NLRP5: variants seen among roughly 807,000 people sequenced by gnomAD.
NLRP5 encodes NACHT, LRR and PYD domains-containing protein 5.
A neutral mutation model predicts 113.1 loss-of-function variants in NLRP5; 93 were observed. The ratio of observed to expected loss-of-function variants is 0.82; its 90% confidence interval spans 0.70 to 0.98. The LOEUF (loss-of-function observed/expected upper bound fraction) is 0.98, where lower values mean the gene tolerates loss of function less well. Ranked by LOEUF, NLRP5 falls within the 50% of genes least tolerant of loss-of-function variation. The probability of loss-of-function intolerance (pLI) is 0.00; values close to 1 mark genes in which losing one functional copy is unlikely to be tolerated. For synonymous variants in NLRP5, 751 were observed against 600.7 expected (o/e 1.25, Z -3.66); for missense variants, 1,808 against 1,514.3 (o/e 1.19, Z -3.22).
rs141325452 is a variant in NLRP5, at chr19:56,004,151, C to T, written c.442+56C>T. 1,420 of 1,531,402 alleles carry T rather than the reference C, an allele frequency of 9.3e-4. 11 individuals carry two copies. In the African/African-American group the frequency reaches 0.018, roughly 19 times the overall value. The allele number at this position is 1,531,402 out of a possible 1,614,324, so 94.9% of individuals were successfully genotyped here. On this transcript the variant is annotated intron_variant, in intron 2 of 14. Transcript: ENST00000390649. ...GGGAGGGGAGGTGATTTCAGGTTCT[C>T]ATGGGAACAGGGAAGAATCGTTGTT... is the stretch of plus-strand genomic sequence containing the variant.
chr19:56,020,120 C>G (rs1982560930), intron 5 of NLRP5, among the ~76,000 whole-genome samples: 1 of 151,938 alleles, frequency 6.6e-6, no homozygotes, highest in Non-Finnish European at 1.5e-5. Context: ...GCATGAGCCA[C>G]CACGCCCGAC....
intron 6 of NLRP5, among the ~76,000 whole-genome samples, chr19:56,022,787 C>T (rs1212312112): frequency 3.3e-5 from 5 of 152,122 alleles, no homozygotes; most frequent in East Asian, 1.9e-4. Context: ...TGCAATGGCG[C>T]GATCTCAGCT....
chr19:55,993,625 T>C, the NLRP5 span, among the ~76,000 whole-genome samples: 35 of 30,340 alleles, frequency 1.2e-3, no homozygotes, highest in African/African-American at 2.5e-3. Context: ...CCCCTCTCCC[T>C]CCTCTCCCCT....
chr19:56,001,135 C>T (rs1981629310), intron 1 of NLRP5, among the ~76,000 whole-genome samples: 1 of 149,588 alleles, frequency 6.7e-6, no homozygotes, highest in South Asian at 2.1e-4. Flanking sequence ...CCAGCCTGGG[C>T]AACATAGTGA....
intron 12 of NLRP5, among the ~76,000 whole-genome samples, chr19:56,053,374 C>T (rs1477305884): frequency 2.0e-5 from 3 of 151,254 alleles, no homozygotes; most frequent in Non-Finnish European, 4.4e-5. Context: ...CCAGCATGGG[C>T]AACAAGAGCA....
chr19:56,032,795 C>T lies in NLRP5; in HGVS notation c.2447+14C>T, dbSNP rs1983173028. 1.9e-6 allele frequency: 3 copies of T among 1,595,562 alleles called. No individual in the cohort carries two copies. Among genetic ancestry groups the T allele is most frequent in the African/African-American group, 2.7e-5 (2 of 74,818 alleles). On this transcript the variant is annotated intron_variant, in intron 8 of 14. Transcript: ENST00000390649. ...ACAGACCCTGATGTAAGGCTGCCCG[C>T]CCCCTACGAGAGAATCCCTTCCCAT...
rs541201441 is a variant in NLRP5 at position 56,026,008 on chromosome 19, G to A, written c.680-905G>A. Among the ~76,000 whole-genome samples the A allele has an allele frequency of 9.9e-5, 15 of 152,258 alleles. No individual in the cohort carries two copies. The South Asian group carries it at 1.7e-3, about 17-fold the overall frequency. On this transcript the variant is annotated intron_variant, in intron 6 of 14. Coordinates refer to ENST00000390649, the MANE Select transcript of NLRP5 (RefSeq NM_153447.4). ...GGGGGAGACCATCAGCAAATACAGC[G>A]TAACCCATCAGGTCCCCAGTGCAAA...
At chr19:56,053,231 A>C (rs1455268696) in intron 12 of NLRP5, among the ~76,000 whole-genome samples, 1 of 151,726 alleles carries the variant, frequency 6.6e-6, no homozygotes, top group Non-Finnish European at 1.5e-5. Flanking sequence ...CCCCGTCTCT[A>C]CTAAAAATAC....
At chr19:56,046,775 G>A (rs528118901) in intron 11 of NLRP5, among the ~76,000 whole-genome samples, 3 of 152,084 alleles carry the variant, frequency 2.0e-5, no homozygotes, top group African/African-American at 4.8e-5. Context: ...CTCGTGATCT[G>A]CCCGCCTCGG....
intron 12 of NLRP5, among the ~76,000 whole-genome samples, chr19:56,052,996 C>T (rs1983987595): frequency 6.6e-6 from 1 of 152,208 alleles, no homozygotes; most frequent in Non-Finnish European, 1.5e-5. Context: ...ACTGGGGAGG[C>T]TGAGGCAGGA....
At chr19:56,039,650 C>T (rs149875209) in intron 10 of NLRP5, among the ~76,000 whole-genome samples, 6 of 152,286 alleles carry the variant, frequency 3.9e-5, no homozygotes, top group East Asian at 3.9e-4. Flanking sequence ...TGGTGGCTCA[C>T]GCCTGTAACC....
the NLRP5 span, among the ~76,000 whole-genome samples, chr19:55,993,114 G>T: frequency 6.6e-6 from 1 of 151,966 alleles, no homozygotes; most frequent in East Asian, 1.9e-4. Flanking sequence ...CTCCCAAAGT[G>T]CTGGGATTAC....
At chr19:56,028,537 T>C in intron 7 of NLRP5, 28 bp downstream of exon 7, 2 of 1,590,778 alleles carry the variant, frequency 1.3e-6, no homozygotes, top group South Asian at 1.1e-5. Context: ...TTTTATCCTA[T>C]GCCGTGTGCT....
At chr19:56,034,862 C>A (rs1291644693) in intron 9 of NLRP5, among the ~76,000 whole-genome samples, 1 of 152,142 alleles carries the variant, frequency 6.6e-6, no homozygotes, top group African/African-American at 2.4e-5. Flanking sequence ...GTGGCTCTTA[C>A]TGTGGTTTGT....
chr19:56,027,006 C>T lies in NLRP5; in HGVS notation c.773C>T (p.Ala258Val). The T allele has an allele frequency of 1.9e-6, 3 of 1,551,894 alleles. No individual in the cohort carries two copies. The highest frequency in any genetic ancestry group is 2.6e-6 in the Non-Finnish European group (3 of 1,147,074). Residue 258 changes from alanine (A) to valine (V), a missense_variant, in exon 7 of 15, where the codon GCT (alanine) becomes GTT (valine). Ala to Val is a moderately conservative substitution (Grantham distance 64). Coordinates refer to ENST00000390649, the MANE Select transcript of NLRP5 (RefSeq NM_153447.4). ...CGTCGTAGTTTTGAAAACACTGCTGCTGACTGGCCGGAAATGCAAACGTTG... is the reference window on the plus strand; with the variant it reads ...CGTCGTAGTTTTGAAAACACTGCTGTTGACTGGCCGGAAATGCAAACGTTG...
chr19:56,007,955 G>C (rs1222403914), intron 2 of NLRP5, among the ~76,000 whole-genome samples: 2 of 126,888 alleles, frequency 1.6e-5, no homozygotes, highest in Non-Finnish European at 3.5e-5. Context: ...GTCTTGCTCT[G>C]TCGCCCAGGC....
At chr19:56,044,064 G>C (rs1024950313) in intron 11 of NLRP5, among the ~76,000 whole-genome samples, 2 of 138,180 alleles carry the variant, frequency 1.4e-5, no homozygotes, top group Admixed American at 7.1e-5. Context: ...TTAAGTCTTA[G>C]GTCTTTTTTT....
At chr19:56,049,220 C>G (rs2101392) in intron 11 of NLRP5, among the ~76,000 whole-genome samples, 1 of 150,438 alleles carries the variant, frequency 6.6e-6, no homozygotes, top group African/African-American at 2.5e-5. Flanking sequence ...ACTCTTGTTG[C>G]CCATGCTGGA....
At chr19:56,011,627 A>AT (rs111647646) in intron 3 of NLRP5, among the ~76,000 whole-genome samples, 5,781 of 149,340 alleles carry the variant, frequency 0.039, 323 homozygotes, top group African/African-American at 0.13. Context: ...AGAAAGCCTG[A>AT]TTTTTTTTTT....
Sources: gnomAD v4.1 joint callset for allele counts (sites outside exome capture counted in the v4.1 genomes callset) on GRCh38, gnomAD v4.1.1 for gene constraint, MANE v1.5 for transcripts, NCBI Gene and HGNC (gene_info 2026-07-23, HGNC 2026-07-21) for gene names.